The following RNF24 variants were observed in gnomAD, a reference collection of about 807,000 sequenced individuals.
RNF24 encodes ring finger protein 24.
In RNF24, 14 loss-of-function variants were observed where a neutral mutation model predicts 20.0. That is an observed-to-expected ratio of 0.70 (90% confidence interval 0.46 to 1.10). The LOEUF is 1.10. RNF24 is among the 50% of genes least tolerant of loss of function. The pLI is 0.00. For missense variants in RNF24, 124 were observed against 177.6 expected (o/e 0.70, Z 1.71); for synonymous variants, 45 against 61.1 (o/e 0.74, Z 1.23).
At chr20:3,984,143 C>T (rs1470009175) in intron 1 of RNF24, among the ~76,000 whole-genome samples, 2 of 151,322 alleles carry the variant, frequency 1.3e-5, no homozygotes, top group Non-Finnish European at 2.9e-5. Context: ...GGTGGGAAGA[C>T]TGCTTGAGCC....
intron 2 of RNF24, among the ~76,000 whole-genome samples, chr20:3,955,811 T>C (rs567219082): frequency 2.9e-4 from 44 of 152,300 alleles, no homozygotes; most frequent in African/African-American, 1.1e-3. Context: ...CTTTCAGCAA[T>C]GTTTTGTAGT....
chr20:3,994,153 T>C (rs985353564), intron 1 of RNF24, among the ~76,000 whole-genome samples: 2 of 152,226 alleles, frequency 1.3e-5, no homozygotes, highest in African/African-American at 4.8e-5. Context: ...ATGGCACTTC[T>C]CGAAACAGTA....
chr20:3,948,086 A>G (rs1412093396), intron 3 of RNF24, 151 bp downstream of exon 3: 1 of 595,974 alleles, frequency 1.7e-6, no homozygotes, highest in Non-Finnish European at 2.9e-6. Context: ...TAAGAAAATG[A>G]AGTTGATATA....
chr20:4,002,405 A>C (rs992169292), intron 1 of RNF24, among the ~76,000 whole-genome samples: 7 of 152,140 alleles, frequency 4.6e-5, no homozygotes, highest in Non-Finnish European at 7.4e-5. Context: ...CAAAAAACAA[A>C]AAAACAAAAC....
intron 1 of RNF24, among the ~76,000 whole-genome samples, chr20:4,000,224 C>T (rs546654456): frequency 7.2e-5 from 11 of 152,088 alleles, no homozygotes; most frequent in Non-Finnish European, 1.3e-4. Flanking sequence ...AAACAATCAT[C>T]AAAAACGGTA....
rs749568617 is a variant in RNF24, at chr20:3,934,221, AG to A, written c.309-21del. 6.9e-6 allele frequency: 11 copies of A among 1,601,928 alleles called. No individual in the cohort carries two copies. The highest frequency in any genetic ancestry group is 5.1e-5 in the Admixed American group (3 of 58,846). The stretch of plus-strand genomic sequence containing the variant: ...AGGCACCTGCAGAAGGAGACACCAC[AG>A]GGGGAAGATGTCAGTCCTATGCTCA... On this transcript the variant is annotated intron_variant, in intron 5 of 5. Coordinates refer to ENST00000358395, the MANE Select transcript of RNF24 (RefSeq NM_001134337.3). This position sits in a 1 kb window ranked among gnomAD's most constrained non-coding sequence, Gnocchi z 4.0.
At chr20:3,967,973 CAAAAAAAAAAAA>C (rs58984163) in intron 1 of RNF24, among the ~76,000 whole-genome samples, 4 of 77,180 alleles carry the variant, frequency 5.2e-5, no homozygotes, top group African/African-American at 2.1e-4. Context: ...AGCCTGGCAA[CAAAAAAAAAAAA>C]AAAAAAAAAA....
chr20:3,969,777 T>G (rs2091295410), intron 1 of RNF24, among the ~76,000 whole-genome samples: 1 of 150,572 alleles, frequency 6.6e-6, no homozygotes, highest in African/African-American at 2.4e-5. Context: ...AAATCTGTTT[T>G]TTTTTTTTTT....
intron 4 of RNF24, among the ~76,000 whole-genome samples, chr20:3,935,688 C>T (rs2090882193): frequency 6.6e-6 from 1 of 152,236 alleles, no homozygotes; most frequent in African/African-American, 2.4e-5. Flanking sequence ...TGACTAGTCT[C>T]CATGGCTTGG....
intron 1 of RNF24, among the ~76,000 whole-genome samples, chr20:3,978,145 C>T (rs1979049977): frequency 1.3e-5 from 2 of 151,062 alleles, no homozygotes. Flanking sequence ...TCTCGGCTCA[C>T]TGCAACCTCA....
chr20:4,013,503 G>A (rs549387516), intron 1 of RNF24, among the ~76,000 whole-genome samples: 22 of 151,728 alleles, frequency 1.4e-4, no homozygotes, highest in African/African-American at 5.1e-4. Flanking sequence ...TTTTTCAGAC[G>A]GAGTTTCGCT....
Position 3,934,286 on chromosome 20 carries a change from C to G in RNF24, c.309-85G>C. 2 of 1,398,250 alleles carry G rather than the reference C, an allele frequency of 1.4e-6. No individual in the cohort carries two copies. Among genetic ancestry groups the G allele is most frequent in the Non-Finnish European group, 1.9e-6 (2 of 1,028,440 alleles). 86.6% of individuals were successfully genotyped at this position (1,398,250 alleles called of 1,614,324 possible). A position where few individuals can be genotyped will look rare whatever the true frequency, so the allele number is the denominator to read the frequency against. ...CTGCTGAACATCTCCATATCTGTCA[C>G]CCAGACAACGTCTGCTGTATGGTCC... On this transcript the variant is annotated intron_variant, in intron 5 of 5. Coordinates refer to ENST00000358395, the MANE Select transcript of RNF24 (RefSeq NM_001134337.3). The surrounding 1 kb of genome is among the most constrained non-coding windows in gnomAD (Gnocchi z 4.0).
At chr20:3,973,037 T>C (rs1309702816) in intron 1 of RNF24, among the ~76,000 whole-genome samples, 1 of 151,582 alleles carries the variant, frequency 6.6e-6, no homozygotes, top group African/African-American at 2.4e-5. Flanking sequence ...ACCCCGTCTC[T>C]ACTAAAAACA....
At chr20:4,006,019 A>T (rs1981839480) in intron 1 of RNF24, among the ~76,000 whole-genome samples, 1 of 152,184 alleles carries the variant, frequency 6.6e-6, no homozygotes, top group Admixed American at 6.6e-5. Flanking sequence ...TAATCGGGAA[A>T]ACATAAGTAC....
intron 1 of RNF24, among the ~76,000 whole-genome samples, chr20:3,966,535 A>G (rs1045404822): frequency 7.9e-6 from 1 of 126,326 alleles, no homozygotes; most frequent in Admixed American, 8.2e-5. Flanking sequence ...CATTAAATGA[A>G]AGTAGTAAAT....
At chr20:3,946,358 T>C (rs2091016787) in intron 3 of RNF24, among the ~76,000 whole-genome samples, 1 of 152,030 alleles carries the variant, frequency 6.6e-6, no homozygotes, top group South Asian at 2.1e-4. Context: ...TCCCTGCTAC[T>C]TGGGAGGCTC....
chr20:4,010,888 A>C (rs1241518619), intron 1 of RNF24, among the ~76,000 whole-genome samples: 1 of 152,200 alleles, frequency 6.6e-6, no homozygotes, highest in African/African-American at 2.4e-5. Context: ...AAGATCCAAA[A>C]CGTTCGGGGG....
intron 1 of RNF24, among the ~76,000 whole-genome samples, chr20:3,997,012 G>T (rs1037880244): frequency 6.6e-6 from 1 of 151,732 alleles, no homozygotes; most frequent in African/African-American, 2.4e-5. Flanking sequence ...CGAGGTCAGG[G>T]GATCGAGACC....
At chr20:3,972,443 A>G (rs952868900) in intron 1 of RNF24, among the ~76,000 whole-genome samples, 3 of 152,236 alleles carry the variant, frequency 2.0e-5, no homozygotes. Flanking sequence ...GAAGTCATAT[A>G]GAGTGTGTTA....
Sources: gnomAD v4.1 joint callset for allele counts (sites outside exome capture counted in the v4.1 genomes callset) on GRCh38, gnomAD v4.1.1 for gene constraint, Gnocchi (gnomAD v3.1) non-coding constraint, MANE v1.5 for transcripts, NCBI Gene and HGNC (gene_info 2026-07-23, HGNC 2026-07-21) for gene names.